IGFBP7: variants seen among roughly 807,000 people sequenced by gnomAD.
IGFBP7 encodes the protein insulin like growth factor binding protein 7.
IGFBP7 carries 31 observed loss-of-function variants against 29.4 expected under a neutral mutation model. The observed-to-expected ratio is 1.05, with a 90% CI of 0.79 to 1.42. The LOEUF (loss-of-function observed/expected upper bound fraction) is 1.42, where lower values mean the gene tolerates loss of function less well. IGFBP7 is among the 40% of genes most tolerant of loss of function. The pLI is 0.00. For missense variants in IGFBP7, 393 were observed against 395.5 expected (o/e 0.99, Z 0.05); for synonymous variants, 172 against 174.9 (o/e 0.98, Z 0.13).
chr4:57,081,548 C>G (rs1725367251), intron 1 of IGFBP7, among the ~76,000 whole-genome samples: 1 of 151,972 alleles, frequency 6.6e-6, no homozygotes, highest in Non-Finnish European at 1.5e-5. Flanking sequence ...TGTGACCCTT[C>G]TATCAGGGCA....
In IGFBP7 at chr4:57,033,112, G is replaced by GGTA. The variant is rs1421318920; in HGVS notation, c.702+80_702+82dup. 26 of 926,876 alleles carry GGTA rather than the reference G, an allele frequency of 2.8e-5. No homozygotes were observed. The East Asian group carries it at 4.3e-4, about 15-fold the overall frequency. The allele number at this position is 926,876 out of a possible 1,614,324, so 57.4% of individuals were successfully genotyped here. On this transcript the variant is annotated intron_variant, in intron 3 of 4. Transcript: ENST00000295666. ...GAAGAGCAAGCACCTTTAGGCTGGC[G>GGTA]GTACATCAGGCACCTTTGCCAGGTC... is the stretch of plus-strand genomic sequence containing the variant.
chr4:57,053,579 CCAA>C (rs1724568670), intron 1 of IGFBP7, among the ~76,000 whole-genome samples: 1 of 152,086 alleles, frequency 6.6e-6, no homozygotes. Context: ...TGGGGCTGTG[CCAA>C]CAACATTGCC....
chr4:57,074,147 A>G (rs1251617630), intron 1 of IGFBP7, among the ~76,000 whole-genome samples: 1 of 151,404 alleles, frequency 6.6e-6, no homozygotes, highest in Non-Finnish European at 1.5e-5. Flanking sequence ...TACAACCTCC[A>G]CCTCCCAAGT....
intron 1 of IGFBP7, among the ~76,000 whole-genome samples, chr4:57,060,326 C>A (rs552140561): frequency 2.6e-5 from 4 of 152,260 alleles, no homozygotes; most frequent in African/African-American, 9.6e-5. Context: ...CTCACCAGAT[C>A]AACTCAAAGT....
intron 1 of IGFBP7, among the ~76,000 whole-genome samples, chr4:57,050,537 A>G (rs7667330): frequency 0.37 from 56,125 of 151,024 alleles, 10,651 homozygotes; most frequent in East Asian, 0.52. Context: ...AAGCCACTGC[A>G]CCTGGCTTTT....
At chr4:57,106,095 A>G (rs1726025245) in intron 1 of IGFBP7, among the ~76,000 whole-genome samples, 1 of 151,696 alleles carries the variant, frequency 6.6e-6, no homozygotes, top group African/African-American at 2.4e-5. Context: ...TTTAGTAGAG[A>G]CGGTGTTTCA....
chr4:57,086,794 C>T (rs895112049), intron 1 of IGFBP7, among the ~76,000 whole-genome samples: 8 of 152,116 alleles, frequency 5.3e-5, no homozygotes, highest in East Asian at 1.9e-4. Context: ...AGTGTAGTGG[C>T]GCGATCTCAG....
intron 2 of IGFBP7, among the ~76,000 whole-genome samples, chr4:57,039,135 G>T (rs1037158861): frequency 2.0e-5 from 3 of 151,200 alleles, no homozygotes; most frequent in Admixed American, 2.0e-4. Flanking sequence ...TTAGTTGATG[G>T]CAAATAAGTG....
intron 3 of IGFBP7, 27 bp downstream of exon 3, chr4:57,033,168 T>C (rs1723985004): frequency 1.4e-6 from 2 of 1,463,228 alleles, no homozygotes; most frequent in African/African-American, 2.8e-5. Flanking sequence ...AATGAAACTC[T>C]TGCCAGCTCT....
At chr4:57,087,048 T>G (rs907792640) in intron 1 of IGFBP7, among the ~76,000 whole-genome samples, 10 of 152,094 alleles carry the variant, frequency 6.6e-5, no homozygotes, top group Admixed American at 3.9e-4. Flanking sequence ...GGCTCAGTTA[T>G]TATGAGGAGA....
chr4:57,098,697 T>C (rs566447412), intron 1 of IGFBP7, among the ~76,000 whole-genome samples: 1 of 152,332 alleles, frequency 6.6e-6, no homozygotes, highest in East Asian at 1.9e-4. Flanking sequence ...GCAGCCACAC[T>C]GCATGGGACT....
chr4:57,104,714 C>T (rs750287137), intron 1 of IGFBP7, among the ~76,000 whole-genome samples: 1 of 152,082 alleles, frequency 6.6e-6, no homozygotes, highest in Non-Finnish European at 1.5e-5. Flanking sequence ...AGCTCTGGAC[C>T]TAATTTTACT....
At chr4:57,104,158 C>G (rs934353827) in intron 1 of IGFBP7, among the ~76,000 whole-genome samples, 1 of 152,064 alleles carries the variant, frequency 6.6e-6, no homozygotes, top group Non-Finnish European at 1.5e-5. Flanking sequence ...TTCCAGGTCC[C>G]CTCATGTTGT....
At chr4:57,034,058 A>AAAC (rs1553913032) in intron 2 of IGFBP7, among the ~76,000 whole-genome samples, 4 of 151,352 alleles carry the variant, frequency 2.6e-5, no homozygotes, top group African/African-American at 9.7e-5. Context: ...TCAAAAAAAA[A>AAAC]AAAAAAAAAA....
intron 1 of IGFBP7, among the ~76,000 whole-genome samples, chr4:57,082,546 C>A (rs948869504): frequency 8.6e-5 from 13 of 151,964 alleles, no homozygotes; most frequent in African/African-American, 3.1e-4. Flanking sequence ...AGAAAAGAAC[C>A]TTCGAAATTT....
chr4:57,040,990 A>G, intron 1 of IGFBP7, 57 bp from the exon 2 acceptor site: 2 of 1,092,302 alleles, frequency 1.8e-6, no homozygotes, highest in Non-Finnish European at 2.8e-6. Flanking sequence ...CACATGAGTC[A>G]GCATCTTAGG....
intron 2 of IGFBP7, 36 bp downstream of exon 2, chr4:57,040,788 C>T: frequency 7.3e-7 from 1 of 1,376,498 alleles, no homozygotes. Flanking sequence ...AGAAGCTTGT[C>T]AGCCTAGGAT....
chr4:57,040,492 G>A (rs570596539), intron 2 of IGFBP7, among the ~76,000 whole-genome samples: 77 of 152,226 alleles, frequency 5.1e-4, no homozygotes, highest in African/African-American at 6.5e-4. Flanking sequence ...CACTGAGGGC[G>A]CAAACACAGA....
At chr4:57,053,360 C>T (rs990767002) in intron 1 of IGFBP7, among the ~76,000 whole-genome samples, 1 of 151,958 alleles carries the variant, frequency 6.6e-6, no homozygotes. Context: ...TTGTATGGGT[C>T]TAGCATTAAA....
Sources: allele counts gnomAD v4.1 joint callset (sites outside exome capture counted in the v4.1 genomes callset), GRCh38; gene constraint gnomAD v4.1.1; transcripts MANE v1.5; gene names NCBI Gene and HGNC (gene_info 2026-07-23, HGNC 2026-07-21).